The following NAT2 variants were observed in gnomAD, a reference collection of about 807,000 sequenced individuals.
NAT2 encodes the protein N-acetyltransferase 2, also known as arylamine N-acetyltransferase 2.
For missense variants in NAT2, 428 were observed against 339.1 expected, an observed-to-expected ratio of 1.26 and a Z score of -2.06; for synonymous variants, 137 against 125.9, an observed-to-expected ratio of 1.09 and a Z score of -0.59.
intron 1 of NAT2, among the ~76,000 whole-genome samples, chr8:18,395,874 G>A (rs1800680970): frequency 6.6e-6 from 1 of 150,990 alleles, no homozygotes; most frequent in African/African-American, 2.4e-5. Context: ...TGAGAGAGAG[G>A]ACTCACTTTC....
In NAT2 at chr8:18,400,077, C is replaced by G. The variant is rs1800761112; in HGVS notation, c.74C>G (p.Thr25Ser). 1 of 1,613,604 alleles carries G rather than the reference C, an allele frequency of 6.2e-7. No homozygotes were observed. The highest frequency in any genetic ancestry group is 1.3e-5 in the African/African-American group (1 of 74,982). The change falls in exon 2 of 2, where the codon ACT (threonine) becomes AGT (serine). Residue 25 changes from threonine (T) to serine (S), a missense_variant. Coordinates refer to ENST00000286479, the MANE Select transcript of NAT2 (RefSeq NM_000015.3). ...SRNKLDLETL[T>S]DILEHQIRAV... Reference sequence around the variant, plus strand: ...AACAAATTGGACTTGGAAACATTAACTGACATTCTTGAGCACCAGATCCGG... The same window carrying G: ...AACAAATTGGACTTGGAAACATTAAGTGACATTCTTGAGCACCAGATCCGG...
upstream of NAT2, chr8:18,387,487 C>G (rs909725572): frequency 6.5e-6 from 1 of 153,894 alleles, no homozygotes; most frequent in Non-Finnish European, 1.5e-5. Context: ...CCTGCCTGTT[C>G]CTCCTCTTTG....
rs1263303601 is a variant in NAT2, at chr8:18,401,005, C to A, written c.*129C>A. The stretch of plus-strand genomic sequence containing the variant: ...AATCCTAAACATCAAATACTTTCAT[C>A]CATAAAAATGTCAGCATTTATTAAA... On this transcript the variant is annotated 3_prime_UTR_variant, in exon 2 of 2. Coordinates refer to ENST00000286479, the MANE Select transcript of NAT2 (RefSeq NM_000015.3). 1.7e-6 allele frequency: 1 copy of A among 579,346 alleles called. No homozygotes were observed. Among genetic ancestry groups the A allele is most frequent in the Non-Finnish European group, 2.8e-6 (1 of 359,866 alleles). The allele number at this position is 579,346 out of a possible 1,614,324, so 35.9% of individuals were successfully genotyped here.
At chr8:18,389,720 TTCTGCTAATC>T (rs796687185), upstream of NAT2, among the ~76,000 whole-genome samples, 63 of 152,300 alleles carry the variant, frequency 4.1e-4, no homozygotes, top group African/African-American at 1.4e-3. Context: ...TCCCAGCGAG[TTCTGCTAATC>T]TGCAGAGGAT....
Position 18,400,798 on chromosome 8 carries a change from A to G in NAT2, c.795A>G (p.Glu265=). The G allele has an allele frequency of 6.2e-7, 1 of 1,612,494 alleles. No homozygotes were observed. The highest frequency in any genetic ancestry group is 1.3e-5 in the African/African-American group (1 of 74,932). Residue 265 remains glutamate, a synonymous_variant, in exon 2 of 2, where the codon GAA becomes GAG. Transcript: ENST00000286479. ...CTCTCACTGAGGAAGAGGTTGAAGAAGTGCTGAGAAATATATTTAAGATTT... is the reference window on the plus strand; with the variant it reads ...CTCTCACTGAGGAAGAGGTTGAAGAGGTGCTGAGAAATATATTTAAGATTT... ...FKTLTEEEVE[E]VLRNIFKISL... is the part of the protein sequence containing the mutation.
intron 1 of NAT2, among the ~76,000 whole-genome samples, chr8:18,392,332 C>T (rs762561490): frequency 6.6e-6 from 1 of 152,158 alleles, no homozygotes; most frequent in Non-Finnish European, 1.5e-5. Context: ...GAAGCCAGTC[C>T]GAGTCCCAAA....
chr8:18,397,246 T>A (rs903841463), intron 1 of NAT2, among the ~76,000 whole-genome samples: 2 of 151,952 alleles, frequency 1.3e-5, no homozygotes, highest in Non-Finnish European at 2.9e-5. Context: ...ATAAGACAAA[T>A]AGAAAAATGT....
chr8:18,386,973 C>G (rs1008037096), upstream of NAT2: 1 of 152,312 alleles, frequency 6.6e-6, no homozygotes, highest in East Asian at 1.9e-4. Context: ...GAGTGAGGAG[C>G]CGGCATCACA....
intron 1 of NAT2, among the ~76,000 whole-genome samples, chr8:18,392,458 G>A (rs574800922): frequency 5.2e-4 from 79 of 152,312 alleles, no homozygotes; most frequent in African/African-American, 1.8e-3. Flanking sequence ...ATCCAGCACA[G>A]GAGAAAGATG....
At position 18,400,260 on chromosome 8, in the gene NAT2, C is replaced by A. The variant is rs771145519; in HGVS notation, c.257C>A (p.Thr86Asn). Residue 86 changes from threonine to asparagine, a missense_variant, in exon 2 of 2, where the codon ACC becomes AAC. By Grantham distance (65) the Thr-to-Asn change is moderately conservative. Coordinates refer to ENST00000286479, the MANE Select transcript of NAT2 (RefSeq NM_000015.3). ...GCTCTGACCACAATCGGTTTTCAGA[C>A]CACAATGTTAGGAGGGTATTTTTAC... Reference protein sequence around the residue: ...YWALTTIGFQTTMLGGYFYIP... With the variant: ...YWALTTIGFQNTMLGGYFYIP... 28 of 1,612,596 alleles carry A rather than the reference C, an allele frequency of 1.7e-5. No homozygotes were observed. The South Asian group carries it at 3.1e-4, about 18-fold the overall frequency.
chr8:18,392,525 C>A (rs1800608146), intron 1 of NAT2, among the ~76,000 whole-genome samples: 1 of 152,214 alleles, frequency 6.6e-6, no homozygotes, highest in Non-Finnish European at 1.5e-5. Context: ...TACTTTCATT[C>A]TGGCTGTGCT....
chr8:18,397,564 T>A (rs1800715159), intron 1 of NAT2, among the ~76,000 whole-genome samples: 1 of 152,166 alleles, frequency 6.6e-6, no homozygotes, highest in South Asian at 2.1e-4. Flanking sequence ...TTTGTGGTTA[T>A]GTTGGCTTTA....
intron 1 of NAT2, among the ~76,000 whole-genome samples, chr8:18,397,078 T>G (rs963706006): frequency 6.6e-6 from 1 of 152,182 alleles, no homozygotes; most frequent in African/African-American, 2.4e-5. Flanking sequence ...CTAAAAATTA[T>G]AGAGTGATTT....
chr8:18,392,954 A>G (rs1006983435), intron 1 of NAT2, among the ~76,000 whole-genome samples: 2 of 152,144 alleles, frequency 1.3e-5, no homozygotes, highest in Non-Finnish European at 2.9e-5. Context: ...TAAAGGTGTC[A>G]GACTCTCAAT....
At chr8:18,393,313 A>G (rs1001197853) in intron 1 of NAT2, among the ~76,000 whole-genome samples, 3 of 152,050 alleles carry the variant, frequency 2.0e-5, no homozygotes, top group Non-Finnish European at 2.9e-5. Flanking sequence ...ATATCATTCC[A>G]TATTTTCTTT....
At position 18,399,993 on chromosome 8, in the gene NAT2, C is replaced by T. The variant is rs759544825; in HGVS notation, c.-6-5C>T. 20 of 1,553,178 alleles carry T rather than the reference C, an allele frequency of 1.3e-5. No individual in the cohort carries two copies. Among genetic ancestry groups the T allele is most frequent in the Non-Finnish European group, 1.7e-5 (19 of 1,149,414 alleles). On this transcript the variant is annotated splice_polypyrimidine_tract_variant and splice_region_variant and intron_variant, in intron 1 of 1. Transcript: ENST00000286479. ...ATGTTTTTATGTTTTGTTTTTCTTGCTTAGGGGATCATGGACATTGAAGCA... is the reference window on the plus strand; with the variant it reads ...ATGTTTTTATGTTTTGTTTTTCTTGTTTAGGGGATCATGGACATTGAAGCA...
intron 1 of NAT2, among the ~76,000 whole-genome samples, chr8:18,395,293 T>C (rs899428737): frequency 6.6e-6 from 1 of 152,132 alleles, no homozygotes; most frequent in African/African-American, 2.4e-5. Context: ...AGAACAACTG[T>C]CAATGACAGA....
chr8:18,399,758 A>T (rs141687826), intron 1 of NAT2, among the ~76,000 whole-genome samples: 1 of 152,042 alleles, frequency 6.6e-6, no homozygotes, highest in African/African-American at 2.4e-5. Flanking sequence ...CCAACTCCTC[A>T]TGCTTAAAAG....
At chr8:18,390,099 T>C (rs4646243), upstream of NAT2, among the ~76,000 whole-genome samples, 24,196 of 152,182 alleles carry the variant, frequency 0.16, 2,368 homozygotes, top group East Asian at 0.49. Flanking sequence ...CAAGGATATT[T>C]AGTCTCCAGT....
Sources: allele counts gnomAD v4.1 joint callset (sites outside exome capture counted in the v4.1 genomes callset), GRCh38; gene constraint gnomAD v4.1.1; transcripts MANE v1.5; gene names NCBI Gene and HGNC (gene_info 2026-07-23, HGNC 2026-07-21).